BCL9L: variants seen among roughly 807,000 people sequenced by gnomAD.
BCL9L encodes B-cell CLL/lymphoma 9-like protein.
BCL9L carries 19 observed loss-of-function variants against 99.4 expected under a neutral mutation model. That is an observed-to-expected ratio of 0.19 (90% CI 0.13 to 0.28). The LOEUF is 0.28. BCL9L is among the 10% of genes least tolerant of loss of function. BCL9L has a pLI of 1.00. For synonymous variants in BCL9L, 900 were observed against 854.8 expected (o/e 1.05, Z -0.92); for missense variants, 2,023 against 2,101.6 (o/e 0.96, Z 0.73).
Position 118,899,178 on chromosome 11 carries a change from C to T in BCL9L, c.3737G>A (p.Gly1246Asp), listed in dbSNP as rs1321581403. The T allele has an allele frequency of 2.7e-6, 4 of 1,484,766 alleles. No homozygotes were observed. The highest frequency in any genetic ancestry group is 3.6e-6 in the Non-Finnish European group (4 of 1,116,286). 92.0% of individuals were successfully genotyped at this position (1,484,766 alleles called of 1,614,324 possible). Residue 1246 changes from glycine to aspartate, a missense_variant, in exon 10 of 10, where the codon GGC becomes GAC. Physicochemically the swap from Gly to Asp is moderately conservative, Grantham distance 94. Transcript: ENST00000683865. Reference protein sequence around the residue: ...HGAMAPTGGGGGGPGLQQHYP... With the variant: ...HGAMAPTGGGDGGPGLQQHYP... ...GTGCTGCTGCAGGCCAGGCCCCCCG[C>T]CCCCACCCCCAGTGGGGGCCATGGC... is the stretch of plus-strand genomic sequence containing the variant.
chr11:118,913,300 TCCTGGTC>T (rs1940864258), intron 2 of BCL9L, among the ~76,000 whole-genome samples: 2 of 152,006 alleles, frequency 1.3e-5, no homozygotes, highest in Non-Finnish European at 2.9e-5. Flanking sequence ...CCAGGGAAAC[TCCTGGTC>T]CCAGACCTTT....
intron 2 of BCL9L, among the ~76,000 whole-genome samples, chr11:118,916,858 G>C (rs977450791): frequency 7.2e-5 from 11 of 152,226 alleles, no homozygotes; most frequent in African/African-American, 2.7e-4. Context: ...CCAGGTCCCT[G>C]ACCCCTAGGC....
chr11:118,918,358 C>T (rs150984604), intron 2 of BCL9L, among the ~76,000 whole-genome samples: 40 of 152,236 alleles, frequency 2.6e-4, no homozygotes, highest in Admixed American at 5.9e-4. Context: ...GCAGAAACCA[C>T]ACTACTGTGG....
chr11:118,902,803 G>C lies in BCL9L; in HGVS notation c.940C>G (p.Pro314Ala). ...PPLPPPPPPA[P>A]GSAPPALPPE... The stretch of plus-strand genomic sequence containing the variant: ...GGCAGAGCAGGCGGGGCACTGCCAG[G>C]GGCCGGGGGTGGCGGCGGCGGCAGT... The change falls in exon 8 of 10, where the codon CCT (proline) becomes GCT (alanine). Residue 314 changes from proline to alanine, a missense_variant. This residue lies in a region of BCL9L where 1,116 missense variants were observed against 1,194.6 expected (regional missense o/e 0.93). Coordinates refer to ENST00000683865, the MANE Select transcript of BCL9L (RefSeq NM_001378213.1). This position sits in a 1 kb window ranked among gnomAD's most constrained non-coding sequence, Gnocchi z 7.8. 6.4e-7 allele frequency: 1 copy of C among 1,557,620 alleles called. No homozygotes were observed. Among genetic ancestry groups the C allele is most frequent in the Non-Finnish European group, 8.6e-7 (1 of 1,158,622 alleles).
rs187098041 is a variant in BCL9L, at chr11:118,897,603, T to C, written c.*812A>G. 201 of 356,970 alleles carry C rather than the reference T, an allele frequency of 5.6e-4. 2 individuals are homozygous for C. Among genetic ancestry groups the C allele is most frequent in the African/African-American group, 4.0e-3 (184 of 46,192 alleles). 22.1% of individuals were successfully genotyped at this position (356,970 alleles called of 1,614,324 possible). ...TCAGTTTAGGAGTGGGTCATTTACG[T>C]CATCTTACCATTTGGGGACGAGACA... On this transcript the variant is annotated 3_prime_UTR_variant, in exon 10 of 10. Coordinates refer to ENST00000683865, the MANE Select transcript of BCL9L (RefSeq NM_001378213.1).
Position 118,899,179 on chromosome 11 carries a change from C to G in BCL9L, c.3736G>C (p.Gly1246Arg). ...HGAMAPTGGG[G>R]GGPGLQQHYP... ...TGCTGCTGCAGGCCAGGCCCCCCGC[C>G]CCCACCCCCAGTGGGGGCCATGGCA... Residue 1246 changes from glycine to arginine, a missense_variant, in exon 10 of 10, where the codon GGC becomes CGC. This residue lies in a region of BCL9L where 902 missense variants were observed against 888.2 expected (regional missense o/e 1.02). Transcript: ENST00000683865. 1 of 1,485,584 alleles carries G rather than the reference C, an allele frequency of 6.7e-7. No homozygotes were observed. The highest frequency in any genetic ancestry group is 9.0e-7 in the Non-Finnish European group (1 of 1,116,692). 92.0% of individuals were successfully genotyped at this position (1,485,584 alleles called of 1,614,324 possible).
chr11:118,918,182 AC>A (rs1428948173), intron 2 of BCL9L, among the ~76,000 whole-genome samples: 7 of 152,108 alleles, frequency 4.6e-5, no homozygotes, highest in Non-Finnish European at 8.8e-5. Flanking sequence ...CCCTAGTCGA[AC>A]CGGGAGCCCT....
Position 118,904,215 on chromosome 11 carries a change from C to A in BCL9L, c.533-763G>T, listed in dbSNP as rs1035799532. 5.3e-5 allele frequency among the ~76,000 whole-genome samples: 8 copies of A among 151,812 alleles called. No homozygotes were observed. The South Asian group carries it at 1.2e-3, about 24-fold the overall frequency. On this transcript the variant is annotated intron_variant, in intron 5 of 9. Transcript: ENST00000683865. The stretch of plus-strand genomic sequence containing the variant: ...CAGCAGTTTGGGCGGTAGAGGCGGG[C>A]GGATCACCTGAGGTCATGAGTTCAA...
intron 2 of BCL9L, among the ~76,000 whole-genome samples, chr11:118,915,381 G>A (rs913378370): frequency 1.3e-5 from 2 of 152,200 alleles, no homozygotes; most frequent in African/African-American, 4.8e-5. Flanking sequence ...AAATATGTGG[G>A]CATTTGGTAA....
In BCL9L at chr11:118,899,930, C is replaced by T; in HGVS notation, c.3393G>A (p.Gln1131=). 6.2e-7 allele frequency: 1 copy of T among 1,612,916 alleles called. No individual in the cohort carries two copies. Among genetic ancestry groups the T allele is most frequent in the Non-Finnish European group, 8.5e-7 (1 of 1,179,718 alleles). The change falls in exon 9 of 10, where the codon CAG becomes CAA. Residue 1131 remains glutamine (Q), a synonymous_variant. Coordinates refer to ENST00000683865, the MANE Select transcript of BCL9L (RefSeq NM_001378213.1). The part of the protein sequence containing the change: ...RPLLPPPPPP[Q]GSGPGISNSQ... ...CTGTCCTCGCACCTGGCCCGGAGCC[C>T]TGCGGTGGTGGTGGGGGGGGCAGCA... is the stretch of plus-strand genomic sequence containing the variant.
At position 118,898,419 on chromosome 11, in the gene BCL9L, A is replaced by T. The variant is rs762800112; in HGVS notation, c.4496T>A (p.Phe1499Tyr). The T allele has an allele frequency of 6.2e-7, 1 of 1,601,108 alleles. No homozygotes were observed. The highest frequency in any genetic ancestry group is 1.1e-5 in the South Asian group (1 of 90,492). ...CTCCAGCCCTGGCAGCGACTTCTAG[A>T]AGGGCAGGTTGGCCATGCCGCCTGG... ...PAPGGMANLP[F>Y] is the part of the protein sequence containing the mutation. Residue 1499 changes from phenylalanine to tyrosine, a missense_variant, in exon 10 of 10, where the codon TTC (phenylalanine) becomes TAC (tyrosine). Phe to Tyr is a conservative substitution (Grantham distance 22). Coordinates refer to ENST00000683865, the MANE Select transcript of BCL9L (RefSeq NM_001378213.1).
chr11:118,899,566 A>G (rs1253326224), intron 9 of BCL9L, 58 bp from the exon 10 acceptor site: 32 of 1,581,684 alleles, frequency 2.0e-5, no homozygotes, highest in African/African-American at 2.7e-5. Flanking sequence ...GGGAGGGTGC[A>G]GGGCTCAGGC....
chr11:118,919,473 A>G (rs757312752), intron 1 of BCL9L, among the ~76,000 whole-genome samples: 57 of 151,884 alleles, frequency 3.8e-4, no homozygotes, highest in East Asian at 7.8e-4. Context: ...CGGTTTAGCA[A>G]TTCAGTAGGA....
Position 118,903,741 on chromosome 11 carries a change from G to A in BCL9L, c.533-289C>T, listed in dbSNP as rs1249814701. Among the ~76,000 whole-genome samples, 3 of 152,160 alleles carry A rather than the reference G, an allele frequency of 2.0e-5. No homozygotes were observed. The highest frequency in any genetic ancestry group is 2.1e-4 in the South Asian group (1 of 4,834). ...CTCATCAACACACCCTGGGAGGAAC[G>A]TGTCACACACTCCACTTAACAAAGG... On this transcript the variant is annotated intron_variant, in intron 5 of 9. Transcript: ENST00000683865. This position sits in a 1 kb window ranked among gnomAD's most constrained non-coding sequence, Gnocchi z 5.6.
In BCL9L at chr11:118,898,305, CCCCCT is replaced by C; in HGVS notation, c.*105_*109del. On this transcript the variant is annotated 3_prime_UTR_variant, in exon 10 of 10. Coordinates refer to ENST00000683865, the MANE Select transcript of BCL9L (RefSeq NM_001378213.1). ...CACTCCCTACACAAGCCCCCTCCCA[CCCCCT>C]CCACCCCACCCCGCGACCCAGGCCA... 2.2e-6 allele frequency: 1 copy of C among 445,700 alleles called. No individual in the cohort carries two copies. 27.6% of individuals were successfully genotyped at this position (445,700 alleles called of 1,614,324 possible). A position where few individuals can be genotyped will look rare whatever the true frequency, so the allele number is the denominator to read the frequency against.
intron 5 of BCL9L, among the ~76,000 whole-genome samples, chr11:118,904,256 C>T (rs1940412379): frequency 6.6e-6 from 1 of 151,756 alleles, no homozygotes; most frequent in Non-Finnish European, 1.5e-5. Context: ...GCCTGGCCAA[C>T]ATGGTGAAAC....
rs1397892646 is a variant in BCL9L, at chr11:118,903,564, T to C, written c.533-112A>G. 5 of 1,178,890 alleles carry C rather than the reference T, an allele frequency of 4.2e-6. No individual in the cohort carries two copies. Among genetic ancestry groups the C allele is most frequent in the Non-Finnish European group, 6.2e-6 (5 of 812,086 alleles). 73.0% of individuals were successfully genotyped at this position (1,178,890 alleles called of 1,614,324 possible). A position where few individuals can be genotyped will look rare whatever the true frequency, so the allele number is the denominator to read the frequency against. The stretch of plus-strand genomic sequence containing the variant: ...CTTACAGCTCGTGCCCACAGGGACA[T>C]TTGATGTCAGTATCTGGTGTTCTCA... On this transcript the variant is annotated intron_variant, in intron 5 of 9. Transcript: ENST00000683865. The surrounding 1 kb of genome is among the most constrained non-coding windows in gnomAD (Gnocchi z 5.6).
chr11:118,924,639 AGACAGG>A (rs1941235553), intron 1 of BCL9L, among the ~76,000 whole-genome samples: 1 of 152,168 alleles, frequency 6.6e-6, no homozygotes, highest in Non-Finnish European at 1.5e-5. Context: ...CTTTGGATCA[AGACAGG>A]GGCCACCTCC....
At chr11:118,906,370 G>A (rs1940519780) in intron 5 of BCL9L, among the ~76,000 whole-genome samples, 1 of 152,162 alleles carries the variant, frequency 6.6e-6, no homozygotes, top group African/African-American at 2.4e-5. Context: ...TCCCACGGGG[G>A]AGAGAGAACT....
Sources: gnomAD v4.1 joint callset for allele counts (sites outside exome capture counted in the v4.1 genomes callset) on GRCh38, gnomAD v4.1.1 for gene constraint, gnomAD v4.1.1 regional missense constraint, Gnocchi (gnomAD v3.1) non-coding constraint, MANE v1.5 for transcripts, NCBI Gene and HGNC (gene_info 2026-07-23, HGNC 2026-07-21) for gene names.